Variants in MYO6 observed in about 807,000 individuals in gnomAD.
MYO6 encodes unconventional myosin-VI.
MYO6 carries 74 observed loss-of-function variants against 178.7 expected under a neutral mutation model. The ratio of observed to expected loss-of-function variants is 0.41; its 90% CI spans 0.34 to 0.50. The LOEUF is 0.50. MYO6 is among the 20% of genes least tolerant of loss of function. MYO6 has a pLI of 0.09. For missense variants in MYO6, 1,330 were observed against 1,547.4 expected, an observed-to-expected ratio of 0.86 and a Z score of 2.36; for synonymous variants, 477 against 504.6, an observed-to-expected ratio of 0.95 and a Z score of 0.73.
chr6:75,916,771 A>G lies in MYO6; in HGVS notation c.*1759A>G, dbSNP rs1286221656. On this transcript the variant is annotated 3_prime_UTR_variant, in exon 35 of 35. Coordinates refer to ENST00000369977, the MANE Select transcript of MYO6 (RefSeq NM_004999.4). Reference sequence around the variant, plus strand: ...TACAATAGTTTTGTGTATCTTTTAGATACATTAATAGGCACTAGATGGAAA... The same window carrying G: ...TACAATAGTTTTGTGTATCTTTTAGGTACATTAATAGGCACTAGATGGAAA... The G allele has an allele frequency of 6.6e-6, 1 of 152,176 alleles. No homozygotes were observed. The highest frequency in any genetic ancestry group is 2.4e-5 in the African/African-American group (1 of 41,440). 9.4% of individuals were successfully genotyped at this position (152,176 alleles called of 1,614,324 possible). A position where few individuals can be genotyped will look rare whatever the true frequency, so the allele number is the denominator to read the frequency against.
At chr6:75,791,477 A>G (rs1335108886) in intron 1 of MYO6, among the ~76,000 whole-genome samples, 1 of 152,228 alleles carries the variant, frequency 6.6e-6, no homozygotes, top group Non-Finnish European at 1.5e-5. Context: ...TTAAAATTAT[A>G]ATAGTATATC....
rs1222324517 is a variant in MYO6 at position 75,786,073 on chromosome 6, G to A, written c.-47-31428G>A. Among the ~76,000 whole-genome samples the A allele has an allele frequency of 4.0e-5, 6 of 151,734 alleles. No homozygotes were observed. In the East Asian group the frequency reaches 1.2e-3, roughly 29 times the overall value. On this transcript the variant is annotated intron_variant, in intron 1 of 34. Transcript: ENST00000369977. ...TGGGATTACAGGCACCTGCCACCACGCCCAGCTAAATTTTTTTTGTGTGTG... is the reference window on the plus strand; with the variant it reads ...TGGGATTACAGGCACCTGCCACCACACCCAGCTAAATTTTTTTTGTGTGTG...
chr6:75,888,899 A>G (rs1778679995), intron 25 of MYO6, among the ~76,000 whole-genome samples: 1 of 152,116 alleles, frequency 6.6e-6, no homozygotes. Flanking sequence ...AAAAAATGGG[A>G]TCCCTTATTT....
rs370874013 is a variant in MYO6, at chr6:75,886,113, A to C, written c.2507+19A>C. On this transcript the variant is annotated intron_variant, in intron 24 of 34. Coordinates refer to ENST00000369977, the MANE Select transcript of MYO6 (RefSeq NM_004999.4). ...AACCTCGGTAAGATGAATAGTTCCT[A>C]AAAAGAACTCTACAAAACCTAGTTA... is the stretch of plus-strand genomic sequence containing the variant. 2 of 1,529,612 alleles carry C rather than the reference A, an allele frequency of 1.3e-6. No individual in the cohort carries two copies. Among genetic ancestry groups the C allele is most frequent in the Admixed American group, 3.4e-5 (2 of 59,638 alleles). The allele number at this position is 1,529,612 out of a possible 1,614,324, so 94.8% of individuals were successfully genotyped here.
chr6:75,818,378 G>T (rs149588340), intron 2 of MYO6, among the ~76,000 whole-genome samples: 1 of 152,106 alleles, frequency 6.6e-6, no homozygotes, highest in African/African-American at 2.4e-5. Flanking sequence ...AGAGTGAGGG[G>T]AAGTTTTCCA....
rs1447552722 is a variant in MYO6 at position 75,918,463 on chromosome 6, A to T, written c.*3451A>T. ...TCTCTACGAAATTTTAGAATGAATA[A>T]TGTGTAATTTATAGGATCAGAACGT... On this transcript the variant is annotated 3_prime_UTR_variant, in exon 35 of 35. Coordinates refer to ENST00000369977, the MANE Select transcript of MYO6 (RefSeq NM_004999.4). The T allele has an allele frequency of 8.5e-5, 13 of 152,228 alleles. No individual in the cohort carries two copies. Among genetic ancestry groups the T allele is most frequent in the Admixed American group, 6.5e-4 (10 of 15,286 alleles). The allele number at this position is 152,228 out of a possible 1,614,324, so 9.4% of individuals were successfully genotyped here. A position where few individuals can be genotyped will look rare whatever the true frequency, so the allele number is the denominator to read the frequency against.
At chr6:75,764,591 G>A (rs1178297791) in intron 1 of MYO6, among the ~76,000 whole-genome samples, 1 of 152,090 alleles carries the variant, frequency 6.6e-6, no homozygotes, top group East Asian at 1.9e-4. Context: ...ACTGCCTAGC[G>A]AGGGGCTTTG....
chr6:75,794,343 A>G (rs1357563077), intron 1 of MYO6, among the ~76,000 whole-genome samples: 1 of 152,216 alleles, frequency 6.6e-6, no homozygotes, highest in African/African-American at 2.4e-5. Flanking sequence ...CAATGAATTC[A>G]AGCAACACAG....
At chr6:75,795,335 A>G (rs1428432566) in intron 1 of MYO6, among the ~76,000 whole-genome samples, 1 of 152,174 alleles carries the variant, frequency 6.6e-6, no homozygotes, top group Non-Finnish European at 1.5e-5. Flanking sequence ...CTCCGGGGAA[A>G]CTGAAGCTTT....
chr6:75,903,999 CT>C (rs1447208839), intron 30 of MYO6, among the ~76,000 whole-genome samples: 1 of 151,838 alleles, frequency 6.6e-6, no homozygotes, highest in Non-Finnish European at 1.5e-5. Flanking sequence ...CTTAGTTTGG[CT>C]GGATATGAAA....
chr6:75,865,204 G>T (rs1343011010), intron 16 of MYO6: 1 of 150,576 alleles, frequency 6.6e-6, no homozygotes, highest in Admixed American at 6.7e-5. Flanking sequence ...CAACCCACCC[G>T]CTTCAGCCTC....
intron 1 of MYO6, among the ~76,000 whole-genome samples, chr6:75,766,663 C>T (rs1778445573): frequency 6.6e-6 from 1 of 152,070 alleles, no homozygotes; most frequent in Admixed American, 6.6e-5. Context: ...ATTAGCATTG[C>T]TCTATAATGT....
Position 75,890,121 on chromosome 6 carries a change from A to T in MYO6, c.2723A>T (p.Glu908Val). 6.2e-7 allele frequency: 1 copy of T among 1,614,052 alleles called. No homozygotes were observed. The highest frequency in any genetic ancestry group is 8.5e-7 in the Non-Finnish European group (1 of 1,180,004). The change falls in exon 26 of 35, where the codon GAA becomes GTA. Residue 908 changes from glutamate (E) to valine (V), a missense_variant. Coordinates refer to ENST00000369977, the MANE Select transcript of MYO6 (RefSeq NM_004999.4). ...GATGCACTGGTTAAAAGCTCAGAGGAACTCCTCAGTGCATTACAGAAAAAA... is the reference window on the plus strand; with the variant it reads ...GATGCACTGGTTAAAAGCTCAGAGGTACTCCTCAGTGCATTACAGAAAAAA... ...EYDALVKSSE[E>V]LLSALQKKKQ... is the part of the protein sequence containing the mutation.
At chr6:75,910,143 C>A (rs1221157550) in intron 32 of MYO6, among the ~76,000 whole-genome samples, 1 of 152,132 alleles carries the variant, frequency 6.6e-6, no homozygotes, top group Non-Finnish European at 1.5e-5. Flanking sequence ...TCTAATTGAA[C>A]ACAACAAAAT....
At chr6:75,880,209 A>G (rs1045037291) in intron 22 of MYO6, 89 bp downstream of exon 22, 1 of 997,646 alleles carries the variant, frequency 1.0e-6, no homozygotes, top group African/African-American at 1.6e-5. Context: ...AATAATTTGT[A>G]TTATTCTTGA....
In MYO6 at chr6:75,885,688, C is replaced by T. The variant is rs547656146; in HGVS notation, c.2417-316C>T. ...GTCTCAATCTCCCGACCCTACGATCCGCCCGCCTTGGCCTCCCGAAGTGCT... is the reference window on the plus strand; with the variant it reads ...GTCTCAATCTCCCGACCCTACGATCTGCCCGCCTTGGCCTCCCGAAGTGCT... On this transcript the variant is annotated intron_variant, in intron 23 of 34. Coordinates refer to ENST00000369977, the MANE Select transcript of MYO6 (RefSeq NM_004999.4). 7.9e-5 allele frequency among the ~76,000 whole-genome samples: 12 copies of T among 152,198 alleles called. No homozygotes were observed. In the East Asian group the frequency reaches 2.3e-3, roughly 30 times the overall value.
chr6:75,860,888 G>A (rs999656452), intron 14 of MYO6, 135 bp from the exon 15 acceptor site: 4 of 703,268 alleles, frequency 5.7e-6, no homozygotes, highest in Non-Finnish European at 9.9e-6. Context: ...TTATGTTTTT[G>A]GAAAACCATT....
At chr6:75,773,935 A>G (rs1766129355) in intron 1 of MYO6, among the ~76,000 whole-genome samples, 1 of 152,236 alleles carries the variant, frequency 6.6e-6, no homozygotes, top group African/African-American at 2.4e-5. Flanking sequence ...AGAGATAATC[A>G]CTAGTTTTTT....
intron 1 of MYO6, among the ~76,000 whole-genome samples, chr6:75,802,548 A>G (rs1340158869): frequency 6.7e-6 from 1 of 148,176 alleles, no homozygotes; most frequent in Non-Finnish European, 1.5e-5. Context: ...TAGTGGCATG[A>G]TCATGACTCA....
Sources: allele counts gnomAD v4.1 joint callset (sites outside exome capture counted in the v4.1 genomes callset), GRCh38; gene constraint gnomAD v4.1.1; transcripts MANE v1.5; gene names NCBI Gene and HGNC (gene_info 2026-07-23, HGNC 2026-07-21).